The following PKNOX1 variants were observed in gnomAD, a reference collection of about 807,000 sequenced individuals.
The protein encoded by PKNOX1 is PBX/knotted 1 homeobox 1.
In PKNOX1, 15 loss-of-function variants were observed where a neutral mutation model predicts 51.9. The observed-to-expected ratio is 0.29, with a 90% confidence interval of 0.19 to 0.45. The LOEUF is 0.45. Ranked by LOEUF, PKNOX1 falls within the 20% of genes least tolerant of loss-of-function variation. The pLI, the probability that PKNOX1 is intolerant of heterozygous loss-of-function variation, is 1.00. For missense variants in PKNOX1, 462 were observed against 547.5 expected (o/e 0.84, Z 1.56); for synonymous variants, 219 against 211.1 (o/e 1.04, Z -0.32).
intron 1 of PKNOX1, among the ~76,000 whole-genome samples, chr21:42,977,048 G>A (rs1217222407): frequency 6.6e-6 from 1 of 152,170 alleles, no homozygotes; most frequent in African/African-American, 2.4e-5. Context: ...GAGCCCTTGG[G>A]TGACTAGGTA....
chr21:43,022,140 G>C (rs1038963536), intron 8 of PKNOX1, among the ~76,000 whole-genome samples: 3 of 152,198 alleles, frequency 2.0e-5, no homozygotes, highest in African/African-American at 7.2e-5. Context: ...GTTTGGCTTG[G>C]CCCTAAGTTT....
chr21:43,030,044 C>T lies in PKNOX1; in HGVS notation c.1254C>T (p.Ala418=), dbSNP rs781439368. 2 of 1,613,544 alleles carry T rather than the reference C, an allele frequency of 1.2e-6. No individual in the cohort carries two copies. The highest frequency in any genetic ancestry group is 8.5e-7 in the Non-Finnish European group (1 of 1,179,604). The stretch of plus-strand genomic sequence containing the variant: ...ACAGCACAGAGGAGGATGCGGGTGC[C>T]CTGGCCCCTGCCCACATCAGCGGGC... ...SVDSTEEDAG[A]LAPAHISGLV... The change falls in exon 11 of 11, where the codon GCC becomes GCT. Residue 418 remains alanine, a synonymous_variant. Coordinates refer to ENST00000291547, the MANE Select transcript of PKNOX1 (RefSeq NM_004571.5).
chr21:43,011,630 A>G (rs952660800), intron 4 of PKNOX1, among the ~76,000 whole-genome samples: 1 of 152,236 alleles, frequency 6.6e-6, no homozygotes, highest in South Asian at 2.1e-4. Flanking sequence ...AAGATCCGGC[A>G]TCAGGGAACC....
chr21:42,987,336 C>T (rs368945055), intron 1 of PKNOX1, among the ~76,000 whole-genome samples: 19 of 133,336 alleles, frequency 1.4e-4, no homozygotes, highest in Admixed American at 5.3e-4. Flanking sequence ...GAGCTGAGAT[C>T]GTGCCATTAC....
intron 1 of PKNOX1, among the ~76,000 whole-genome samples, chr21:42,995,627 A>T (rs1162456585): frequency 6.6e-6 from 1 of 152,148 alleles, no homozygotes; most frequent in Non-Finnish European, 1.5e-5. Flanking sequence ...GCAGTGAGCC[A>T]GAGTCTTGCC....
At position 43,007,378 on chromosome 21, in the gene PKNOX1, G is replaced by T. The variant is rs1243813949; in HGVS notation, c.52-113G>T. On this transcript the variant is annotated intron_variant, in intron 2 of 10. Coordinates refer to ENST00000291547, the MANE Select transcript of PKNOX1 (RefSeq NM_004571.5). The stretch of plus-strand genomic sequence containing the variant: ...TTGGTAGCATTCTTTACATATGATT[G>T]CAGTCATACTGCTGTCTGGCAATTC... 6.8e-6 allele frequency: 6 copies of T among 888,020 alleles called. No individual in the cohort carries two copies. The East Asian group carries it at 1.5e-4, about 22-fold the overall frequency. The allele number at this position is 888,020 out of a possible 1,614,324, so 55.0% of individuals were successfully genotyped here.
Position 43,004,390 on chromosome 21 carries a change from T to C in PKNOX1, c.9T>C (p.Ala3=). ...TAAAACTCTGATGAACCATGATGGC[T>C]ACACAGACATTAAGTATAGACAGCT... MM[A]TQTLSIDSYQ... Residue 3 remains alanine, a synonymous_variant, in exon 2 of 11, where the codon GCT becomes GCC. Transcript: ENST00000291547. 6.2e-7 allele frequency: 1 copy of C among 1,606,370 alleles called. No homozygotes were observed. Among genetic ancestry groups the C allele is most frequent in the Non-Finnish European group, 8.5e-7 (1 of 1,173,000 alleles).
chr21:42,977,368 T>A (rs1404978956), intron 1 of PKNOX1, among the ~76,000 whole-genome samples: 8 of 152,130 alleles, frequency 5.3e-5, no homozygotes, highest in African/African-American at 1.9e-4. Flanking sequence ...TTGTCTATAT[T>A]GAAAATCTGC....
At chr21:43,025,193 A>G (rs1264860719) in intron 9 of PKNOX1, among the ~76,000 whole-genome samples, 1 of 152,174 alleles carries the variant, frequency 6.6e-6, no homozygotes, top group African/African-American at 2.4e-5. Flanking sequence ...GACTAAAAAT[A>G]TGAGTTCTTT....
In PKNOX1 at chr21:42,980,803, G is replaced by T. The variant is rs770325044; in HGVS notation, c.-57+6139G>T. Among the ~76,000 whole-genome samples the T allele has an allele frequency of 2.3e-4, 35 of 152,324 alleles. 1 individual carries two copies. The highest frequency in any genetic ancestry group is 4.1e-4 in the South Asian group (2 of 4,822). ...TCTAATGCTTTGGAAAATACCTGTT[G>T]CTGTTCCTGCTAAAACTCCAGGGCT... On this transcript the variant is annotated intron_variant, in intron 1 of 10. Coordinates refer to ENST00000291547, the MANE Select transcript of PKNOX1 (RefSeq NM_004571.5).
At chr21:42,979,372 G>T (rs1195262616) in intron 1 of PKNOX1, among the ~76,000 whole-genome samples, 1 of 152,198 alleles carries the variant, frequency 6.6e-6, no homozygotes, top group Non-Finnish European at 1.5e-5. Flanking sequence ...TTCATACAGG[G>T]TTGCCACAGA....
rs993764512 is a variant in PKNOX1, at chr21:43,007,364, C to A, written c.52-127C>A. ...TCAAAGCTGTTTTGTTGGTAGCATTCTTTACATATGATTGCAGTCATACTG... is the reference window on the plus strand; with the variant it reads ...TCAAAGCTGTTTTGTTGGTAGCATTATTTACATATGATTGCAGTCATACTG... On this transcript the variant is annotated intron_variant, in intron 2 of 10. Transcript: ENST00000291547. 1.5e-5 allele frequency: 12 copies of A among 826,076 alleles called. No individual in the cohort carries two copies. The African/African-American group carries it at 2.0e-4, about 14-fold the overall frequency. 51.2% of individuals were successfully genotyped at this position (826,076 alleles called of 1,614,324 possible).
intron 1 of PKNOX1, among the ~76,000 whole-genome samples, chr21:42,999,632 C>A (rs1978658537): frequency 6.6e-6 from 1 of 152,078 alleles, no homozygotes; most frequent in African/African-American, 2.4e-5. Context: ...AGGCGTGCAC[C>A]ACCAAGCCCG....
intron 4 of PKNOX1, among the ~76,000 whole-genome samples, chr21:43,011,056 A>G (rs1367485894): frequency 7.2e-6 from 1 of 138,688 alleles, no homozygotes; most frequent in African/African-American, 2.7e-5. Context: ...ATTCTCCAAG[A>G]CAGCTCTGTC....
At chr21:43,011,555 A>T (rs2146272487) in intron 4 of PKNOX1, among the ~76,000 whole-genome samples, 1 of 151,858 alleles carries the variant, frequency 6.6e-6, no homozygotes, top group African/African-American at 2.4e-5. Context: ...GGCAGACCAC[A>T]CTCTCTGGGT....
In PKNOX1 at chr21:43,008,061, T is replaced by TCTCTCTCACACACACA. The variant is rs59792199; in HGVS notation, c.179+444_179+445insTCTCTCACACACACAC. 6.8e-5 allele frequency among the ~76,000 whole-genome samples: 10 copies of TCTCTCTCACACACACA among 146,886 alleles called. No homozygotes were observed. In the East Asian group the frequency reaches 1.8e-3, roughly 26 times the overall value. On this transcript the variant is annotated intron_variant, in intron 3 of 10. Transcript: ENST00000291547. ...CCTGGGCAACGAGAGCAAAACTCTGTCACACACACACACACACACACACAC... is the reference window on the plus strand; with the variant it reads ...CCTGGGCAACGAGAGCAAAACTCTGTCTCTCTCACACACACACACACACACACACACACACACACAC...
At chr21:43,020,838 G>A (rs896528703) in intron 7 of PKNOX1, among the ~76,000 whole-genome samples, 18 of 152,232 alleles carry the variant, frequency 1.2e-4, no homozygotes, top group Admixed American at 1.2e-3. Flanking sequence ...GCCTGCAGAG[G>A]ATGGGCTCTG....
chr21:43,013,978 G>A (rs1417788411), intron 5 of PKNOX1, among the ~76,000 whole-genome samples: 7 of 145,118 alleles, frequency 4.8e-5, no homozygotes, highest in African/African-American at 1.8e-4. Flanking sequence ...TACCCTCTGT[G>A]TATTTTCTTT....
chr21:42,975,037 C>T (rs1261820199), intron 1 of PKNOX1, among the ~76,000 whole-genome samples: 1 of 60,744 alleles, frequency 1.6e-5, no homozygotes, highest in East Asian at 3.8e-4. Flanking sequence ...GTGCGGCGCG[C>T]GCCCCGGCGC....
Sources: gnomAD v4.1 joint callset for allele counts (sites outside exome capture counted in the v4.1 genomes callset) on GRCh38, gnomAD v4.1.1 for gene constraint, MANE v1.5 for transcripts, NCBI Gene and HGNC (gene_info 2026-07-23, HGNC 2026-07-21) for gene names.